WASF2: variants seen among roughly 807,000 people sequenced by gnomAD.
WASF2 encodes actin-binding protein WASF2.
A neutral mutation model predicts 45.0 loss-of-function variants in WASF2; 14 were observed. That is an observed-to-expected ratio of 0.31 (90% confidence interval 0.21 to 0.49). WASF2 has a LOEUF of 0.49. Ranked by LOEUF, WASF2 falls within the 20% of genes least tolerant of loss-of-function variation. WASF2 has a pLI of 0.99. For synonymous variants in WASF2, 200 were observed against 236.3 expected (o/e 0.85, Z 1.41); for missense variants, 439 against 636.1 (o/e 0.69, Z 3.33).
intron 1 of WASF2, among the ~76,000 whole-genome samples, chr1:27,435,775 G>A (rs1328418204): frequency 6.6e-6 from 1 of 152,190 alleles, no homozygotes; most frequent in Non-Finnish European, 1.5e-5. Flanking sequence ...ACAGATAGAT[G>A]ACTGCTCATT....
chr1:27,449,123 T>C (rs1297100860), intron 1 of WASF2, among the ~76,000 whole-genome samples: 1 of 152,172 alleles, frequency 6.6e-6, no homozygotes, highest in East Asian at 1.9e-4. Context: ...CTCTTCCACA[T>C]GCCATAACGG....
intron 1 of WASF2, among the ~76,000 whole-genome samples, chr1:27,470,340 T>G (rs899891779): frequency 2.6e-5 from 4 of 152,042 alleles, no homozygotes; most frequent in African/African-American, 9.7e-5. Flanking sequence ...CTAAGTTTAG[T>G]AGAAAAGAAT....
chr1:27,420,740 C>T lies in WASF2; in HGVS notation c.131-1652G>A, dbSNP rs2016897875. Among the ~76,000 whole-genome samples the T allele has an allele frequency of 2.0e-5, 3 of 152,058 alleles. No individual in the cohort carries two copies. The South Asian group carries it at 6.3e-4, about 32-fold the overall frequency. On this transcript the variant is annotated intron_variant, in intron 2 of 8. Coordinates refer to ENST00000618852, the MANE Select transcript of WASF2 (RefSeq NM_006990.5). ...GTTTCATCATGTTGGCCAGGCTGGT[C>T]TTGAACTCCTGACCTCAGGTGATCT...
At chr1:27,427,301 T>C (rs1190338770) in intron 2 of WASF2, among the ~76,000 whole-genome samples, 1 of 152,040 alleles carries the variant, frequency 6.6e-6, no homozygotes. Context: ...CCTGGAAAAA[T>C]AGCTGAGAGA....
intron 1 of WASF2, among the ~76,000 whole-genome samples, chr1:27,454,185 ATATTTTTT>A (rs1242843768): frequency 7.5e-4 from 6 of 7,952 alleles, no homozygotes; most frequent in African/African-American, 2.0e-3. Flanking sequence ...ATATATATAT[ATATTTTTT>A]TTTTTTTTTT....
intron 1 of WASF2, among the ~76,000 whole-genome samples, chr1:27,476,834 T>C (rs1236871892): frequency 3.3e-5 from 5 of 152,126 alleles, no homozygotes; most frequent in Admixed American, 6.6e-5. Flanking sequence ...CAGCAACACA[T>C]AGAAGTACAA....
At chr1:27,469,834 C>T (rs1421353392) in intron 1 of WASF2, among the ~76,000 whole-genome samples, 1 of 151,802 alleles carries the variant, frequency 6.6e-6, no homozygotes, top group Non-Finnish European at 1.5e-5. Flanking sequence ...CCCAGCTACT[C>T]GGGAGGCTGA....
intron 1 of WASF2, among the ~76,000 whole-genome samples, chr1:27,452,726 G>A (rs2017401243): frequency 6.6e-6 from 1 of 151,706 alleles, no homozygotes; most frequent in Non-Finnish European, 1.5e-5. Flanking sequence ...GCTGAGGCAG[G>A]AGAATTGCTT....
chr1:27,442,724 C>T (rs1230554099), intron 1 of WASF2, among the ~76,000 whole-genome samples: 5 of 151,478 alleles, frequency 3.3e-5, no homozygotes, highest in East Asian at 3.9e-4. Flanking sequence ...GCCAAAGGGC[C>T]GGGCGTGGTG....
chr1:27,479,241 G>A (rs1319500385), intron 1 of WASF2, among the ~76,000 whole-genome samples: 1 of 151,596 alleles, frequency 6.6e-6, no homozygotes, highest in Non-Finnish European at 1.5e-5. Context: ...AGCCAAGACT[G>A]CGCCACTGCA....
At position 27,489,252 on chromosome 1, in the gene WASF2, G is replaced by GCGCACACA. The variant is rs1255427152; in HGVS notation, c.-44+733_-44+734insTGTGTGCG. ...ACTCTGCAGACTATCCTGTACGCGC[G>GCGCACACA]CACACACACACACACACACACACAC... On this transcript the variant is annotated intron_variant, in intron 1 of 8. Coordinates refer to ENST00000618852, the MANE Select transcript of WASF2 (RefSeq NM_006990.5). Among the ~76,000 whole-genome samples, 6 of 80,298 alleles carry GCGCACACA rather than the reference G, an allele frequency of 7.5e-5. No individual in the cohort carries two copies. In the South Asian group the frequency reaches 2.4e-3, roughly 32 times the overall value. The allele number at this position is 80,298 out of a possible 152,430, so 52.7% of individuals were successfully genotyped here.
chr1:27,480,162 CCTT>C (rs1373254341), intron 1 of WASF2, among the ~76,000 whole-genome samples: 2 of 152,146 alleles, frequency 1.3e-5, no homozygotes, highest in Non-Finnish European at 2.9e-5. Flanking sequence ...TGACCCAAAA[CCTT>C]CTTCTACACA....
chr1:27,476,518 A>C (rs2017768753), intron 1 of WASF2, among the ~76,000 whole-genome samples: 1 of 152,160 alleles, frequency 6.6e-6, no homozygotes, highest in Non-Finnish European at 1.5e-5. Flanking sequence ...ACATTTCAAC[A>C]TGAGATTTAG....
chr1:27,425,907 G>C (rs2148110287), intron 2 of WASF2, among the ~76,000 whole-genome samples: 1 of 151,118 alleles, frequency 6.6e-6, no homozygotes, highest in Non-Finnish European at 1.5e-5. Context: ...CAGCTACTCG[G>C]GAGGCTCAGG....
chr1:27,441,027 C>G (rs1455193812), intron 1 of WASF2, among the ~76,000 whole-genome samples: 5 of 151,902 alleles, frequency 3.3e-5, no homozygotes, highest in Non-Finnish European at 7.4e-5. Flanking sequence ...CCACCACGCT[C>G]AGCTAATTTT....
At chr1:27,432,086 A>G (rs1433185749) in intron 1 of WASF2, among the ~76,000 whole-genome samples, 1 of 152,224 alleles carries the variant, frequency 6.6e-6, no homozygotes, top group Non-Finnish European at 1.5e-5. Context: ...GCATGGAGTT[A>G]TGCATGATCT....
At chr1:27,467,537 G>T (rs1444440489) in intron 1 of WASF2, among the ~76,000 whole-genome samples, 1 of 150,086 alleles carries the variant, frequency 6.7e-6, no homozygotes, top group South Asian at 2.1e-4. Flanking sequence ...TCCTGACCTC[G>T]TGATCCGCCC....
intron 1 of WASF2, among the ~76,000 whole-genome samples, chr1:27,477,885 C>T (rs1180285608): frequency 2.4e-5 from 2 of 83,560 alleles, no homozygotes; most frequent in Non-Finnish European, 4.1e-5. Flanking sequence ...GGCTACAGAG[C>T]GAGACTCCGT....
At chr1:27,472,065 G>C (rs2017696135) in intron 1 of WASF2, among the ~76,000 whole-genome samples, 3 of 152,146 alleles carry the variant, frequency 2.0e-5, no homozygotes, top group Admixed American at 6.5e-5. Context: ...AGGCGCGGTG[G>C]CTTATGCCTG....
Sources: allele counts gnomAD v4.1 joint callset (sites outside exome capture counted in the v4.1 genomes callset), GRCh38; gene constraint gnomAD v4.1.1; transcripts MANE v1.5; gene names NCBI Gene and HGNC (gene_info 2026-07-23, HGNC 2026-07-21).